The following NWD2 variants were observed in gnomAD, a reference collection of about 807,000 sequenced individuals.
NWD2 encodes NACHT and WD repeat domain-containing protein 2.
NWD2 carries 37 observed loss-of-function variants against 132.7 expected under a neutral mutation model. That is an observed-to-expected ratio of 0.28 (90% confidence interval 0.21 to 0.37). The LOEUF is 0.37. Ranked by LOEUF, NWD2 falls within the 10% of genes least tolerant of loss-of-function variation. The pLI, the probability that NWD2 is intolerant of heterozygous loss-of-function variation, is 1.00. For missense variants in NWD2, 1,592 were observed against 2,122.4 expected, an observed-to-expected ratio of 0.75 and a Z score of 4.91; for synonymous variants, 705 against 803.0, an observed-to-expected ratio of 0.88 and a Z score of 2.06.
chr4:37,269,588 A>G (rs1355538492), intron 1 of NWD2, among the ~76,000 whole-genome samples: 1 of 151,934 alleles, frequency 6.6e-6, no homozygotes. Flanking sequence ...CTTCATTGAA[A>G]TGGAATCATA....
intron 3 of NWD2, among the ~76,000 whole-genome samples, chr4:37,401,754 T>G (rs1720899342): frequency 6.6e-6 from 1 of 152,220 alleles, no homozygotes. Context: ...CTGCACACCT[T>G]TCTGGTTCTT....
At position 37,245,101 on chromosome 4, in the gene NWD2, T is replaced by C; in HGVS notation, c.34T>C (p.Cys12Arg). The change falls in exon 1 of 7, where the codon TGT (cysteine) becomes CGT (arginine). Residue 12 changes from cysteine (C) to arginine (R), a missense_variant. By Grantham distance (180) the Cys-to-Arg change is radical. This residue lies in a region of NWD2 where 88 missense variants were observed against 92.8 expected (regional missense o/e 0.95). Coordinates refer to ENST00000309447, the MANE Select transcript of NWD2 (RefSeq NM_001144990.2). ...GGCCGGCGCGGGCACCAAGCTGCCC[T>C]GTCCCCGAGACTCTGCGCTCCGGCG... ...WPAGAGTKLP[C>R]PRDSALRRAA... 1.3e-6 allele frequency: 2 copies of C among 1,547,170 alleles called. No homozygotes were observed. The highest frequency in any genetic ancestry group is 1.4e-5 in the African/African-American group (1 of 73,054).
rs1396602989 is a variant in NWD2 at position 37,348,671 on chromosome 4, T to TACAC, written c.241-7694_241-7693insCACA. ...ATATATATATATATATATATATATATATATACACACACACACACACACACA... is the reference window on the plus strand; with the variant it reads ...ATATATATATATATATATATATATATACACATATACACACACACACACACACACA... On this transcript the variant is annotated intron_variant, in intron 2 of 6. Coordinates refer to ENST00000309447, the MANE Select transcript of NWD2 (RefSeq NM_001144990.2). Among the ~76,000 whole-genome samples the TACAC allele has an allele frequency of 2.6e-3, 158 of 61,332 alleles. 1 individual carries two copies. The highest frequency in any genetic ancestry group is 9.4e-3 in the African/African-American group (115 of 12,216). 40.2% of individuals were successfully genotyped at this position (61,332 alleles called of 152,430 possible).
At chr4:37,400,035 T>G (rs1720871145) in intron 3 of NWD2, among the ~76,000 whole-genome samples, 1 of 152,218 alleles carries the variant, frequency 6.6e-6, no homozygotes. Context: ...TAACTGGAGT[T>G]AAGATTGTAG....
chr4:37,318,016 C>CTTTT (rs1346676424), intron 1 of NWD2, among the ~76,000 whole-genome samples: 1 of 131,910 alleles, frequency 7.6e-6, no homozygotes, highest in African/African-American at 2.8e-5. Context: ...TTTCTTTTTT[C>CTTTT]TTTCTTTTTT....
intron 2 of NWD2, among the ~76,000 whole-genome samples, chr4:37,341,624 G>A (rs955478756): frequency 2.0e-5 from 3 of 152,260 alleles, no homozygotes; most frequent in African/African-American, 7.2e-5. Context: ...GGGATGACAG[G>A]AAGCTTAAGC....
chr4:37,437,603 G>A (rs1249777449), intron 5 of NWD2, among the ~76,000 whole-genome samples: 1 of 152,166 alleles, frequency 6.6e-6, no homozygotes, highest in Non-Finnish European at 1.5e-5. Context: ...TCAATGAAGA[G>A]CAATTACATG....
intron 1 of NWD2, among the ~76,000 whole-genome samples, chr4:37,320,704 G>A (rs1719051831): frequency 6.6e-6 from 1 of 152,114 alleles, no homozygotes; most frequent in South Asian, 2.1e-4. Context: ...AGTCGAACAG[G>A]CTGTCCATAT....
intron 3 of NWD2, among the ~76,000 whole-genome samples, chr4:37,361,372 AAC>A (rs1218303479): frequency 1.3e-5 from 2 of 152,100 alleles, no homozygotes; most frequent in Non-Finnish European, 2.9e-5. Flanking sequence ...ACCTGGCAAA[AAC>A]ACAATGAAAA....
chr4:37,275,300 A>C (rs1717984656), intron 1 of NWD2, among the ~76,000 whole-genome samples: 3 of 152,182 alleles, frequency 2.0e-5, no homozygotes, highest in African/African-American at 7.2e-5. Context: ...ACAAACAGCC[A>C]AATCATGAGT....
intron 1 of NWD2, among the ~76,000 whole-genome samples, chr4:37,320,151 T>C (rs904336230): frequency 6.6e-6 from 1 of 152,204 alleles, no homozygotes; most frequent in African/African-American, 2.4e-5. Context: ...TGTGATTTCC[T>C]TCAGCAGTGT....
chr4:37,355,749 C>T (rs913461747), intron 2 of NWD2, among the ~76,000 whole-genome samples: 1 of 152,094 alleles, frequency 6.6e-6, no homozygotes, highest in Non-Finnish European at 1.5e-5. Context: ...ATAGAGGATC[C>T]TATTATCCTC....
intron 3 of NWD2, among the ~76,000 whole-genome samples, chr4:37,411,775 G>T (rs2109319343): frequency 6.6e-6 from 1 of 152,198 alleles, no homozygotes; most frequent in Non-Finnish European, 1.5e-5. Context: ...ACATCAAAAA[G>T]CTTATCCACC....
chr4:37,417,977 C>T (rs761027492), intron 3 of NWD2, among the ~76,000 whole-genome samples: 1 of 151,986 alleles, frequency 6.6e-6, no homozygotes, highest in Non-Finnish European at 1.5e-5. Flanking sequence ...TTATTTGCTC[C>T]GTCAATAGAG....
rs2109300795 is a variant in NWD2, at chr4:37,356,547, T to G, written c.357+65T>G. The G allele has an allele frequency of 5.5e-6, 6 of 1,083,200 alleles. No individual in the cohort carries two copies. In the South Asian group the frequency reaches 6.9e-5, roughly 12 times the overall value. The allele number at this position is 1,083,200 out of a possible 1,614,324, so 67.1% of individuals were successfully genotyped here. The stretch of plus-strand genomic sequence containing the variant: ...ATGAATGTGAGAATTATTGCTGATT[T>G]GTGATTCATAAGGGGTTTTTTAAAT... On this transcript the variant is annotated intron_variant, in intron 3 of 6. Transcript: ENST00000309447.
intron 1 of NWD2, among the ~76,000 whole-genome samples, chr4:37,270,601 A>AT (rs1208450422): frequency 2.0e-5 from 3 of 151,656 alleles, no homozygotes; most frequent in African/African-American, 7.3e-5. Flanking sequence ...ATCATGACTC[A>AT]TTTTTAATTG....
intron 3 of NWD2, 118 bp downstream of exon 3, chr4:37,356,600 A>G (rs1163139874): frequency 4.6e-6 from 3 of 649,502 alleles, no homozygotes; most frequent in Non-Finnish European, 8.0e-6. Flanking sequence ...TTTTATGTCT[A>G]TTTAAACATT....
rs1276382802 is a variant in NWD2, at chr4:37,445,284, A to G, written c.3296A>G (p.Tyr1099Cys). 1 of 1,551,990 alleles carries G rather than the reference A, an allele frequency of 6.4e-7. No homozygotes were observed. The highest frequency in any genetic ancestry group is 1.4e-5 in the African/African-American group (1 of 73,184). The change falls in exon 7 of 7, where the codon TAT becomes TGT. Residue 1099 changes from tyrosine (Y) to cysteine (C), a missense_variant. Around this residue, in one of 7 missense-constraint regions of NWD2, gnomAD observed 1,071 missense variants for 1,398.0 expected, o/e 0.77. Transcript: ENST00000309447. This position sits in a 1 kb window ranked among gnomAD's most constrained non-coding sequence, Gnocchi z 4.7. The part of the protein sequence containing the change: ...GWPLYQFHCW[Y>C]EVTCVQCSLD... ...CCGCTTTACCAGTTCCACTGCTGGT[A>G]TGAAGTGACGTGCGTCCAGTGCTCC... is the stretch of plus-strand genomic sequence containing the variant.
chr4:37,368,618 C>T (rs1720146535), intron 3 of NWD2, among the ~76,000 whole-genome samples: 1 of 152,122 alleles, frequency 6.6e-6, no homozygotes, highest in Admixed American at 6.6e-5. Context: ...TGTTCTGATT[C>T]TGTGTGTCAC....
Sources: gnomAD v4.1 joint callset for allele counts (sites outside exome capture counted in the v4.1 genomes callset) on GRCh38, gnomAD v4.1.1 for gene constraint, gnomAD v4.1.1 regional missense constraint, Gnocchi (gnomAD v3.1) non-coding constraint, MANE v1.5 for transcripts, NCBI Gene and HGNC (gene_info 2026-07-23, HGNC 2026-07-21) for gene names.